DUSP26: variants seen among roughly 807,000 people sequenced by gnomAD.
DUSP26 encodes dual specificity phosphatase 26.
In DUSP26, 12 loss-of-function variants were observed where a neutral mutation model predicts 20.0. That is an observed-to-expected ratio of 0.60 (90% confidence interval 0.38 to 0.97). DUSP26 has a LOEUF of 0.97. DUSP26 is among the 50% of genes least tolerant of loss of function. DUSP26 has a pLI of 0.00. For missense variants in DUSP26, 230 were observed against 294.0 expected (o/e 0.78, Z 1.59); for synonymous variants, 120 against 118.8 (o/e 1.01, Z -0.06).
chr8:33,591,556 T>C lies in DUSP26; in HGVS notation c.*457A>G. The C allele has an allele frequency of 6.3e-6, 1 of 159,122 alleles. No individual in the cohort carries two copies. Among genetic ancestry groups the C allele is most frequent in the Non-Finnish European group, 1.4e-5 (1 of 72,280 alleles). 9.9% of individuals were successfully genotyped at this position (159,122 alleles called of 1,614,324 possible). A position where few individuals can be genotyped will look rare whatever the true frequency, so the allele number is the denominator to read the frequency against. On this transcript the variant is annotated 3_prime_UTR_variant, in exon 4 of 4. Transcript: ENST00000256261. ...CTTTTCACACCATCTCTTCGCTGTC[T>C]GTCTCTATGCTAGGGGTTTCACACA...
In DUSP26 at chr8:33,591,884, C is replaced by G; in HGVS notation, c.*129G>C. On this transcript the variant is annotated 3_prime_UTR_variant, in exon 4 of 4. Transcript: ENST00000256261. ...CAAAGAGTGACAGTGGCCTGGGGCTCGGCCTCTCCTGACCCCAGGGGAGGA... is the reference window on the plus strand; with the variant it reads ...CAAAGAGTGACAGTGGCCTGGGGCTGGGCCTCTCCTGACCCCAGGGGAGGA... 3 of 1,057,326 alleles carry G rather than the reference C, an allele frequency of 2.8e-6. No individual in the cohort carries two copies. The highest frequency in any genetic ancestry group is 2.6e-5 in the Admixed American group (1 of 38,430). The allele number at this position is 1,057,326 out of a possible 1,614,324, so 65.5% of individuals were successfully genotyped here. A position where few individuals can be genotyped will look rare whatever the true frequency, so the allele number is the denominator to read the frequency against.
intron 1 of DUSP26, among the ~76,000 whole-genome samples, chr8:33,598,758 C>G (rs1305977737): frequency 1.3e-5 from 2 of 152,110 alleles, no homozygotes; most frequent in African/African-American, 4.8e-5. Context: ...GCCCCTTCCC[C>G]CTCCCTCCCC....
In DUSP26 at chr8:33,593,613, T is replaced by C. The variant is rs905144370; in HGVS notation, c.356A>G (p.His119Arg). 3.7e-6 allele frequency: 6 copies of C among 1,614,050 alleles called. No individual in the cohort carries two copies. In the African/African-American group the frequency reaches 6.7e-5, roughly 18 times the overall value. The part of the protein sequence containing the change: ...LGIRYLGVEA[H>R]DSPAFDMSIH... ...GCTCATGTCAAAGGCTGGCGAGTCG[T>C]GGGCCTCAACACCCAGGTAGCGGAT... The change falls in exon 3 of 4, where the codon CAC (histidine) becomes CGC (arginine). Residue 119 changes from histidine to arginine, a missense_variant. By Grantham distance (29) the His-to-Arg change is conservative. Coordinates refer to ENST00000256261, the MANE Select transcript of DUSP26 (RefSeq NM_024025.3).
chr8:33,599,566 C>CTT (rs1235147140), intron 1 of DUSP26, 99 bp downstream of exon 1: 1 of 152,074 alleles, frequency 6.6e-6, no homozygotes, highest in Non-Finnish European at 1.5e-5. Context: ...CGGGTGCCCG[C>CTT]TTCCCGGTCC....
chr8:33,595,527 CCCA>C (rs1002633461), intron 2 of DUSP26, among the ~76,000 whole-genome samples: 25 of 152,024 alleles, frequency 1.6e-4, no homozygotes, highest in African/African-American at 6.0e-4. Flanking sequence ...ATTACAGGTG[CCCA>C]CCACCATGCC....
chr8:33,594,777 G>A (rs906149189), intron 2 of DUSP26, among the ~76,000 whole-genome samples: 2 of 149,790 alleles, frequency 1.3e-5, no homozygotes, highest in Non-Finnish European at 3.0e-5. Context: ...AGGCTGAAGT[G>A]CAATGGTGCA....
At chr8:33,593,915 G>A (rs531040402) in intron 2 of DUSP26, among the ~76,000 whole-genome samples, 168 bp from the exon 3 acceptor site, 1 of 152,156 alleles carries the variant, frequency 6.6e-6, no homozygotes, top group African/African-American at 2.4e-5. Context: ...CATCTCCTGG[G>A]TTCAAACGAT....
At chr8:33,596,240 G>A (rs187349068) in intron 2 of DUSP26, among the ~76,000 whole-genome samples, 1 of 149,272 alleles carries the variant, frequency 6.7e-6, no homozygotes, top group Non-Finnish European at 1.5e-5. Flanking sequence ...GCTGAGATTG[G>A]GCTACTGCAC....
intron 3 of DUSP26, 30 bp downstream of exon 3, chr8:33,593,503 T>TC (rs780595244): frequency 6.2e-7 from 1 of 1,600,948 alleles, no homozygotes; most frequent in South Asian, 1.1e-5. Context: ...GGCACCCTGT[T>TC]CTTTCCTGCT....
At position 33,597,334 on chromosome 8, in the gene DUSP26, T is replaced by C; in HGVS notation, c.182A>G (p.His61Arg). Residue 61 changes from histidine to arginine, a missense_variant, in exon 2 of 4, where the codon CAT (histidine) becomes CGT (arginine). By Grantham distance (29) the His-to-Arg change is conservative. Coordinates refer to ENST00000256261, the MANE Select transcript of DUSP26 (RefSeq NM_024025.3). ...LLYTGKTACN[H>R]ADEVWPGLYL... ...GAGGCCTGGCCAGACCTCGTCGGCA[T>C]GGTTACAGGCTGTCTTGCCTGTGTA... 1.2e-6 allele frequency: 2 copies of C among 1,613,774 alleles called. No individual in the cohort carries two copies. The highest frequency in any genetic ancestry group is 1.7e-6 in the Non-Finnish European group (2 of 1,179,966).
rs1811015690 is a variant in DUSP26, at chr8:33,591,444, G to C, written c.*569C>G. On this transcript the variant is annotated 3_prime_UTR_variant, in exon 4 of 4. Coordinates refer to ENST00000256261, the MANE Select transcript of DUSP26 (RefSeq NM_024025.3). ...TGTTTTTGGCCCAAGCAGCAGCCGT[G>C]GGCCTAGTGCCAACCCTCACACGCT... The C allele has an allele frequency of 6.5e-6, 1 of 152,852 alleles. No homozygotes were observed. The highest frequency in any genetic ancestry group is 2.1e-4 in the South Asian group (1 of 4,840). 9.5% of individuals were successfully genotyped at this position (152,852 alleles called of 1,614,324 possible). A position where few individuals can be genotyped will look rare whatever the true frequency, so the allele number is the denominator to read the frequency against.
rs368997132 is a variant in DUSP26, at chr8:33,596,395, C to T, written c.221+900G>A. On this transcript the variant is annotated intron_variant, in intron 2 of 3. Coordinates refer to ENST00000256261, the MANE Select transcript of DUSP26 (RefSeq NM_024025.3). The stretch of plus-strand genomic sequence containing the variant: ...GAGCTCAAGACCAGCCTGGGCAACA[C>T]GGTGAAACCCCGTCTCTACTAAAAT... 3.0e-3 allele frequency among the ~76,000 whole-genome samples: 454 copies of T among 152,062 alleles called. 2 individuals are homozygous for T. Among genetic ancestry groups the T allele is most frequent in the African/African-American group, 0.01 (427 of 41,472 alleles).
chr8:33,596,438 C>T lies in DUSP26; in HGVS notation c.221+857G>A, dbSNP rs1270542016. Among the ~76,000 whole-genome samples, 11 of 150,952 alleles carry T rather than the reference C, an allele frequency of 7.3e-5. No homozygotes were observed. In the East Asian group the frequency reaches 7.8e-4, roughly 11 times the overall value. ...ACTAAAATACAAAAAAATAATTAGC[C>T]GGGCAAGGCGGTGTGTGCCTGTAGT... On this transcript the variant is annotated intron_variant, in intron 2 of 3. Transcript: ENST00000256261.
At position 33,597,489 on chromosome 8, in the gene DUSP26, A is replaced by G; in HGVS notation, c.27T>C (p.Ala9=). The G allele has an allele frequency of 1.2e-6, 2 of 1,613,468 alleles. No individual in the cohort carries two copies. The highest frequency in any genetic ancestry group is 1.7e-4 in the Middle Eastern group (1 of 5,922). ...AGAAGCGGGCCATAAAAGTCATAGA[A>G]GCCCAAAGCCAGTTACCAGGGCACA... MCPGNWLW[A]SMTFMARFSR... is the part of the protein sequence containing the mutation. The change falls in exon 2 of 4, where the codon GCT becomes GCC. Residue 9 remains alanine, a synonymous_variant. Coordinates refer to ENST00000256261, the MANE Select transcript of DUSP26 (RefSeq NM_024025.3).
intron 1 of DUSP26, chr8:33,597,826 A>G: frequency 3.6e-6 from 1 of 281,684 alleles, no homozygotes. Context: ...GGGGAGAGGG[A>G]GCTGCCCAGC....
Position 33,596,109 on chromosome 8 carries a change from C to T in DUSP26, c.221+1186G>A, listed in dbSNP as rs1384995249. Among the ~76,000 whole-genome samples the T allele has an allele frequency of 3.9e-5, 6 of 152,268 alleles. No homozygotes were observed. In the South Asian group the frequency reaches 6.2e-4, roughly 16 times the overall value. On this transcript the variant is annotated intron_variant, in intron 2 of 3. Transcript: ENST00000256261. ...AATCAGCCTGGCCAACATGGCTAGA[C>T]GCCGTCTCTACTAAAAATACAAAAA...
intron 2 of DUSP26, among the ~76,000 whole-genome samples, chr8:33,594,084 T>G (rs1811087919): frequency 6.6e-6 from 1 of 151,712 alleles, no homozygotes; most frequent in Admixed American, 6.6e-5. Flanking sequence ...CCTTCCAAAG[T>G]GCTGGGATGA....
chr8:33,592,224 G>C lies in DUSP26; in HGVS notation c.437-12C>G. ...CACCAGGATCTTCCCTGAGAGGAGA[G>C]ACACAGAGAGAGCTTTGAGACTGCT... On this transcript the variant is annotated splice_polypyrimidine_tract_variant and intron_variant, in intron 3 of 3. Transcript: ENST00000256261. 6.3e-7 allele frequency: 1 copy of C among 1,582,828 alleles called. No homozygotes were observed. The highest frequency in any genetic ancestry group is 8.6e-7 in the Non-Finnish European group (1 of 1,165,312).
chr8:33,595,871 G>C (rs934126124), intron 2 of DUSP26, among the ~76,000 whole-genome samples: 1 of 152,014 alleles, frequency 6.6e-6, no homozygotes, highest in Admixed American at 6.6e-5. Flanking sequence ...CTTACAACCC[G>C]TGTGACCTTG....
Sources: gnomAD v4.1 joint callset for allele counts (sites outside exome capture counted in the v4.1 genomes callset) on GRCh38, gnomAD v4.1.1 for gene constraint, MANE v1.5 for transcripts, NCBI Gene and HGNC (gene_info 2026-07-23, HGNC 2026-07-21) for gene names.